IL1RAPL2: variants seen among roughly 807,000 people sequenced by gnomAD.
IL1RAPL2 encodes X-linked interleukin-1 receptor accessory protein-like 2.
A neutral mutation model predicts 44.1 loss-of-function variants in IL1RAPL2; 3 were observed. The ratio of observed to expected loss-of-function variants is 0.07; its 90% CI spans 0.03 to 0.18. IL1RAPL2 has a LOEUF of 0.18. IL1RAPL2 is among the 10% of genes least tolerant of loss of function. The pLI, the probability that IL1RAPL2 is intolerant of heterozygous loss-of-function variation, is 1.00. For missense variants in IL1RAPL2, 391 were observed against 496.4 expected (o/e 0.79, Z 2.02); for synonymous variants, 181 against 178.8 (o/e 1.01, Z -0.10).
At chrX:104,828,796 G>A (rs1457978162) in intron 2 of IL1RAPL2, among the ~76,000 whole-genome samples, 1 of 112,744 alleles carries the variant, frequency 8.9e-6, no homozygotes, top group Non-Finnish European at 1.9e-5. Flanking sequence ...CCTGACTGGG[G>A]CTGTTGCCTT....
intron 4 of IL1RAPL2, among the ~76,000 whole-genome samples, chrX:105,241,401 C>G (rs911456189): frequency 3.6e-5 from 4 of 111,574 alleles, no homozygotes; most frequent in Non-Finnish European, 7.5e-5. Flanking sequence ...CTTGTCTTTC[C>G]CTTCTTTCTC....
At chrX:105,696,686 G>A (rs1457555791) in intron 6 of IL1RAPL2, among the ~76,000 whole-genome samples, 1 of 111,078 alleles carries the variant, frequency 9.0e-6, no homozygotes, top group African/African-American at 3.3e-5. Flanking sequence ...GTGACTTAGG[G>A]CACATGTGAA....
At chrX:105,059,090 C>G (rs2032038128) in intron 2 of IL1RAPL2, among the ~76,000 whole-genome samples, 1 of 112,068 alleles carries the variant, frequency 8.9e-6, no homozygotes, top group Non-Finnish European at 1.9e-5. Context: ...TATCCATCAC[C>G]TCTAGCATTT....
chrX:105,427,004 G>A (rs114582660), intron 5 of IL1RAPL2, among the ~76,000 whole-genome samples: 4,134 of 112,442 alleles, frequency 0.037, 204 homozygotes, highest in African/African-American at 0.13. Context: ...GCTCAAAGTG[G>A]TTTGGGTTCA....
chrX:105,393,720 C>T (rs2035542965), intron 5 of IL1RAPL2, among the ~76,000 whole-genome samples: 1 of 111,278 alleles, frequency 9.0e-6, no homozygotes, highest in African/African-American at 3.3e-5. Context: ...AGATGGTTTC[C>T]CTAGTTAAGA....
intron 2 of IL1RAPL2, among the ~76,000 whole-genome samples, chrX:105,027,769 A>G (rs2031399718): frequency 9.0e-6 from 1 of 111,433 alleles, no homozygotes; most frequent in Non-Finnish European, 1.9e-5. Context: ...AACAGTTGGG[A>G]AGTTCCTCAA....
At chrX:105,624,031 T>A (rs1450803785) in intron 6 of IL1RAPL2, among the ~76,000 whole-genome samples, 1 of 111,060 alleles carries the variant, frequency 9.0e-6, no homozygotes, top group African/African-American at 3.3e-5. Flanking sequence ...AAAGGGTGAA[T>A]TGAAGTTAGC....
chrX:105,196,909 G>T (rs782657407), intron 3 of IL1RAPL2, among the ~76,000 whole-genome samples: 1 of 111,541 alleles, frequency 9.0e-6, no homozygotes, highest in South Asian at 3.8e-4. Context: ...TGGAAATGCA[G>T]ACCTTTCCTA....
chrX:105,247,312 C>T (rs1049763981), intron 4 of IL1RAPL2, among the ~76,000 whole-genome samples: 1 of 110,896 alleles, frequency 9.0e-6, no homozygotes, highest in African/African-American at 3.3e-5. Flanking sequence ...CATAATCTCA[C>T]TATGATTGCT....
intron 2 of IL1RAPL2, among the ~76,000 whole-genome samples, chrX:105,183,257 G>A (rs1253052447): frequency 3.6e-5 from 4 of 111,382 alleles, no homozygotes; most frequent in Non-Finnish European, 7.6e-5. Flanking sequence ...GGGGGGCAAT[G>A]GTTGGTGTTA....
intron 2 of IL1RAPL2, among the ~76,000 whole-genome samples, chrX:105,031,203 A>C (rs2031486582): frequency 9.1e-6 from 1 of 109,390 alleles, no homozygotes; most frequent in East Asian, 2.9e-4. Flanking sequence ...GGACAATTTG[A>C]CTTCCTCTTT....
At chrX:105,239,293 C>T (rs1468967461) in intron 4 of IL1RAPL2, among the ~76,000 whole-genome samples, 1 of 111,761 alleles carries the variant, frequency 8.9e-6, no homozygotes, top group East Asian at 2.8e-4. Flanking sequence ...GTAACCATAG[C>T]CTTTACAGTA....
At chrX:104,898,282 G>T (rs889098562) in intron 2 of IL1RAPL2, among the ~76,000 whole-genome samples, 1 of 111,528 alleles carries the variant, frequency 9.0e-6, no homozygotes, top group Non-Finnish European at 1.9e-5. Flanking sequence ...GTACAGGTCT[G>T]GTGGAACAAA....
At chrX:105,078,473 G>T (rs192391798) in intron 2 of IL1RAPL2, among the ~76,000 whole-genome samples, 7,119 of 111,951 alleles carry the variant, frequency 0.064, 606 homozygotes, top group African/African-American at 0.22. Flanking sequence ...TAGGCTACTC[G>T]GGGGTCAGGG....
At chrX:104,635,221 C>T (rs1235501726) in intron 1 of IL1RAPL2, among the ~76,000 whole-genome samples, 6 of 111,998 alleles carry the variant, frequency 5.4e-5, no homozygotes, top group Non-Finnish European at 7.5e-5. Flanking sequence ...CACTGTTAGT[C>T]TGATGGGCTT....
intron 2 of IL1RAPL2, among the ~76,000 whole-genome samples, chrX:105,185,631 C>G (rs1158898541): frequency 1.8e-5 from 2 of 111,598 alleles, no homozygotes; most frequent in African/African-American, 6.5e-5. Context: ...ATTTTCTGAT[C>G]TCCAGCCAGC....
chrX:104,712,091 A>G (rs1931468446), intron 2 of IL1RAPL2, among the ~76,000 whole-genome samples: 1 of 111,163 alleles, frequency 9.0e-6, no homozygotes, highest in Admixed American at 9.6e-5. Flanking sequence ...AGCTGCTGTA[A>G]TACTGGCTTA....
At chrX:105,324,840 TCTG>T (rs1257802109) in intron 5 of IL1RAPL2, among the ~76,000 whole-genome samples, 4 of 112,074 alleles carry the variant, frequency 3.6e-5, no homozygotes, top group African/African-American at 9.7e-5. Flanking sequence ...AGAAATAAAA[TCTG>T]CTGATATTTA....
chrX:105,297,419 C>G (rs1158807241), intron 5 of IL1RAPL2, among the ~76,000 whole-genome samples: 1 of 111,520 alleles, frequency 9.0e-6, no homozygotes, highest in Admixed American at 9.5e-5. Flanking sequence ...AAGATACTAC[C>G]AAGGACTGGG....
Sources: allele counts gnomAD v4.1 joint callset (sites outside exome capture counted in the v4.1 genomes callset), GRCh38; gene constraint gnomAD v4.1.1; transcripts MANE v1.5; gene names NCBI Gene and HGNC (gene_info 2026-07-23, HGNC 2026-07-21).